Variants in NR3C2 observed in about 807,000 individuals in gnomAD.
NR3C2 encodes nuclear receptor subfamily 3 group C member 2.
A neutral mutation model predicts 86.4 loss-of-function variants in NR3C2; 15 were observed. The ratio of observed to expected loss-of-function variants is 0.17; its 90% CI spans 0.12 to 0.27. The LOEUF is 0.27. NR3C2 is among the 10% of genes least tolerant of loss of function. The pLI is 1.00. For missense variants in NR3C2, 960 were observed against 1,195.6 expected (o/e 0.80, Z 2.91); for synonymous variants, 458 against 450.5 (o/e 1.02, Z -0.21).
In NR3C2 at chr4:148,079,026, C is replaced by CAA. The variant is rs959165417; in HGVS notation, c.*2316_*2317dup. The stretch of plus-strand genomic sequence containing the variant: ...AATATGGCTTTGCTGTTTAATCAAG[C>CAA]AAAGTTACCTGGAGACACACAAAGA... On this transcript the variant is annotated 3_prime_UTR_variant, in exon 9 of 9. Coordinates refer to ENST00000358102, the MANE Select transcript of NR3C2 (RefSeq NM_000901.5). 3 of 152,526 alleles carry CAA rather than the reference C, an allele frequency of 2.0e-5. No individual in the cohort carries two copies. Among genetic ancestry groups the CAA allele is most frequent in the Non-Finnish European group, 2.9e-5 (2 of 68,026 alleles). 9.4% of individuals were successfully genotyped at this position (152,526 alleles called of 1,614,324 possible).
At chr4:148,443,767 G>T (rs567169218), upstream of NR3C2, among the ~76,000 whole-genome samples, 2 of 152,122 alleles carry the variant, frequency 1.3e-5, no homozygotes, top group South Asian at 4.2e-4. Context: ...CTCGCTTCGC[G>T]CCCGCCAAAG....
intron 2 of NR3C2, among the ~76,000 whole-genome samples, chr4:148,352,699 T>C (rs527482718): frequency 1.3e-5 from 2 of 152,282 alleles, no homozygotes; most frequent in East Asian, 1.9e-4. Context: ...TGAAACCCAG[T>C]AGAGAGCAAA....
chr4:148,394,106 G>C (rs1747733626), intron 2 of NR3C2, among the ~76,000 whole-genome samples: 1 of 152,110 alleles, frequency 6.6e-6, no homozygotes, highest in Non-Finnish European at 1.5e-5. Flanking sequence ...AGAGAAAAGG[G>C]CCTGCCTAGC....
intron 2 of NR3C2, among the ~76,000 whole-genome samples, chr4:148,412,820 C>T (rs970088646): frequency 7.6e-5 from 4 of 52,386 alleles, no homozygotes; most frequent in South Asian, 7.4e-4. Flanking sequence ...TGCACATGTG[C>T]GCACACACAC....
intron 8 of NR3C2, among the ~76,000 whole-genome samples, chr4:148,108,518 C>T (rs1389112010): frequency 3.9e-5 from 6 of 152,208 alleles, no homozygotes; most frequent in Non-Finnish European, 8.8e-5. Context: ...CCTTGCCCCT[C>T]TTGGAGCAGG....
At chr4:148,381,976 C>G (rs1031925075) in intron 2 of NR3C2, among the ~76,000 whole-genome samples, 12 of 152,286 alleles carry the variant, frequency 7.9e-5, no homozygotes, top group African/African-American at 2.9e-4. Context: ...CAATACAAAT[C>G]TCCTATTTTA....
intron 3 of NR3C2, among the ~76,000 whole-genome samples, chr4:148,218,355 TGAA>T (rs985361589): frequency 1.3e-5 from 2 of 152,198 alleles, no homozygotes; most frequent in African/African-American, 4.8e-5. Flanking sequence ...ATATAAATGA[TGAA>T]GGAGTCTGCA....
At chr4:148,407,385 T>C (rs1748476746) in intron 2 of NR3C2, among the ~76,000 whole-genome samples, 1 of 152,224 alleles carries the variant, frequency 6.6e-6, no homozygotes, top group African/African-American at 2.4e-5. Context: ...AAGTGGTTTA[T>C]AAGATTGTAA....
chr4:148,290,564 G>A (rs2149907756), intron 2 of NR3C2, among the ~76,000 whole-genome samples: 1 of 152,168 alleles, frequency 6.6e-6, no homozygotes, highest in Admixed American at 6.5e-5. Flanking sequence ...TTCACTTTCT[G>A]GGCCCAGGAA....
intron 3 of NR3C2, among the ~76,000 whole-genome samples, chr4:148,210,272 C>A (rs1253687241): frequency 1.3e-5 from 2 of 152,106 alleles, no homozygotes; most frequent in Non-Finnish European, 2.9e-5. Context: ...TTCACTGTAA[C>A]CTCCACCTCC....
chr4:148,330,993 C>A (rs1387338743), intron 2 of NR3C2, among the ~76,000 whole-genome samples: 1 of 152,200 alleles, frequency 6.6e-6, no homozygotes, highest in Non-Finnish European at 1.5e-5. Flanking sequence ...TGGCATTATG[C>A]TTCCTGTGCA....
chr4:148,274,888 G>A (rs1209995704), intron 2 of NR3C2, among the ~76,000 whole-genome samples: 2 of 151,750 alleles, frequency 1.3e-5, no homozygotes, highest in Non-Finnish European at 2.9e-5. Context: ...AGTAGAGATG[G>A]GGTTTTACCA....
chr4:148,356,530 T>A (rs938802932), intron 2 of NR3C2, among the ~76,000 whole-genome samples: 2 of 152,210 alleles, frequency 1.3e-5, no homozygotes, highest in Admixed American at 6.5e-5. Flanking sequence ...ATTTTCTACA[T>A]GTAAACGTAT....
At chr4:148,329,613 C>T (rs1744135905) in intron 2 of NR3C2, among the ~76,000 whole-genome samples, 1 of 152,188 alleles carries the variant, frequency 6.6e-6, no homozygotes, top group Non-Finnish European at 1.5e-5. Flanking sequence ...AGGACAACTG[C>T]CATTTGCTAA....
intron 2 of NR3C2, among the ~76,000 whole-genome samples, chr4:148,270,603 A>G (rs114018137): frequency 6.6e-6 from 1 of 152,172 alleles, no homozygotes; most frequent in Non-Finnish European, 1.5e-5. Context: ...TTAAAATGGT[A>G]TGTTAAGATG....
intron 3 of NR3C2, among the ~76,000 whole-genome samples, chr4:148,252,236 AT>A (rs1739613098): frequency 1.3e-5 from 2 of 152,246 alleles, no homozygotes; most frequent in East Asian, 3.8e-4. Context: ...ATTTTTAAAA[AT>A]TAAAGGATCA....
At chr4:148,084,166 A>AACACCACAAAGAT (rs1256746294) in intron 8 of NR3C2, among the ~76,000 whole-genome samples, 1 of 152,228 alleles carries the variant, frequency 6.6e-6, no homozygotes, top group Non-Finnish European at 1.5e-5. Context: ...AAATACAGAG[A>AACACCACAAAGAT]ACACCACAAA....
In NR3C2 at chr4:148,199,963, G is replaced by A. The variant is rs568616934; in HGVS notation, c.1898-5101C>T. Among the ~76,000 whole-genome samples the A allele has an allele frequency of 1.8e-4, 28 of 152,316 alleles. No homozygotes were observed. In the South Asian group the frequency reaches 5.2e-3, roughly 28 times the overall value. On this transcript the variant is annotated intron_variant, in intron 3 of 8. Transcript: ENST00000358102. ...CATATTGGAGTTGGGGGATGAATTG[G>A]TCTTTAAGGAGAAGGAAAGCATCTG...
chr4:148,264,808 C>G (rs890391657), intron 2 of NR3C2, among the ~76,000 whole-genome samples: 2 of 152,194 alleles, frequency 1.3e-5, no homozygotes, highest in Non-Finnish European at 2.9e-5. Flanking sequence ...CCAGCAAACA[C>G]TGTTTGATCT....
Sources: gnomAD v4.1 joint callset for allele counts (sites outside exome capture counted in the v4.1 genomes callset) on GRCh38, gnomAD v4.1.1 for gene constraint, MANE v1.5 for transcripts, NCBI Gene and HGNC (gene_info 2026-07-23, HGNC 2026-07-21) for gene names.